The following CUX2 variants were observed in gnomAD, a reference collection of about 807,000 sequenced individuals.
CUX2 encodes the protein cut like homeobox 2.
A neutral mutation model predicts 144.8 loss-of-function variants in CUX2; 40 were observed. That is an observed-to-expected ratio of 0.28 (90% confidence interval 0.21 to 0.36). The LOEUF (loss-of-function observed/expected upper bound fraction) is 0.36, where lower values mean the gene tolerates loss of function less well. CUX2 is among the 10% of genes least tolerant of loss of function. The probability of loss-of-function intolerance (pLI) is 1.00; values close to 1 mark genes in which losing one functional copy is unlikely to be tolerated. For missense variants in CUX2, 1,615 were observed against 1,994.0 expected (o/e 0.81, Z 3.62); for synonymous variants, 827 against 875.6 (o/e 0.94, Z 0.98).
At chr12:111,236,787 A>G (rs891340223) in intron 3 of CUX2, among the ~76,000 whole-genome samples, 2 of 152,232 alleles carry the variant, frequency 1.3e-5, no homozygotes, top group African/African-American at 2.4e-5. Context: ...TGAGTTATCA[A>G]TCTGCGTTTT....
intron 4 of CUX2, among the ~76,000 whole-genome samples, chr12:111,285,956 A>G (rs1199956998): frequency 6.6e-6 from 1 of 152,138 alleles, no homozygotes; most frequent in Non-Finnish European, 1.5e-5. Flanking sequence ...ATAATATCAG[A>G]CCCCACTGTG....
chr12:111,096,178 G>A (rs1872804708), intron 1 of CUX2, among the ~76,000 whole-genome samples: 2 of 152,146 alleles, frequency 1.3e-5, no homozygotes, highest in Admixed American at 1.3e-4. Flanking sequence ...GCTCAGAGCA[G>A]TTATCACCAG....
At chr12:111,069,520 C>G (rs971051088) in intron 1 of CUX2, among the ~76,000 whole-genome samples, 2 of 139,804 alleles carry the variant, frequency 1.4e-5, no homozygotes, top group East Asian at 4.2e-4. Flanking sequence ...AAGCCTTGCT[C>G]TGTGTGTGTG....
intron 1 of CUX2, among the ~76,000 whole-genome samples, chr12:111,168,516 C>G (rs374957088): frequency 6.6e-6 from 1 of 152,206 alleles, no homozygotes; most frequent in East Asian, 1.9e-4. Context: ...CTCGTCCCGT[C>G]GGTCAAGGGT....
At position 111,035,777 on chromosome 12, in the gene CUX2, G is replaced by A. The variant is rs1300324460; in HGVS notation, c.63+1537G>A. ...TCCCCCAAAGCCATTGAGCTGGGGA[G>A]AAAATCGGGGCACTGAGGCATGCAG... On this transcript the variant is annotated intron_variant, in intron 1 of 21. Coordinates refer to ENST00000261726, the MANE Select transcript of CUX2 (RefSeq NM_015267.4). The surrounding 1 kb of genome is among the most constrained non-coding windows in gnomAD (Gnocchi z 6.0). Among the ~76,000 whole-genome samples the A allele has an allele frequency of 2.0e-5, 3 of 152,106 alleles. No homozygotes were observed. Among genetic ancestry groups the A allele is most frequent in the Non-Finnish European group, 4.4e-5 (3 of 68,028 alleles).
rs1045512785 is a variant in CUX2, at chr12:111,160,324, G to T, written c.64-53876G>T. Among the ~76,000 whole-genome samples the T allele has an allele frequency of 2.0e-5, 3 of 152,216 alleles. No individual in the cohort carries two copies. Among genetic ancestry groups the T allele is most frequent in the African/African-American group, 7.2e-5 (3 of 41,456 alleles). ...TGAGGAATCAGACCAGTCAGAGATA[G>T]GTGTGTCTGGCCTGTGTGTGCAGGG... On this transcript the variant is annotated intron_variant, in intron 1 of 21. Coordinates refer to ENST00000261726, the MANE Select transcript of CUX2 (RefSeq NM_015267.4). The surrounding 1 kb of genome is among the most constrained non-coding windows in gnomAD (Gnocchi z 4.1).
rs1391539963 is a variant in CUX2, at chr12:111,311,590, C to CTT, written c.1901-508_1901-507dup. Among the ~76,000 whole-genome samples, 11 of 124,700 alleles carry CTT rather than the reference C, an allele frequency of 8.8e-5. No homozygotes were observed. The East Asian group carries it at 1.9e-3, about 22-fold the overall frequency. The allele number at this position is 124,700 out of a possible 152,430, so 81.8% of individuals were successfully genotyped here. ...AGACATAAGCCACTGTACCCTATTT[C>CTT]TTTATTATTATTATTTTTTTTTTTT... On this transcript the variant is annotated intron_variant, in intron 15 of 21. Transcript: ENST00000261726.
intron 1 of CUX2, among the ~76,000 whole-genome samples, chr12:111,182,447 G>C (rs1299073266): frequency 6.6e-6 from 1 of 152,232 alleles, no homozygotes; most frequent in African/African-American, 2.4e-5. Context: ...ACGTTCTCCA[G>C]TTGATCCGTC....
chr12:111,226,125 G>C (rs944943302), intron 3 of CUX2, among the ~76,000 whole-genome samples: 3 of 152,208 alleles, frequency 2.0e-5, no homozygotes, highest in Admixed American at 6.5e-5. Flanking sequence ...TGTATTTTTT[G>C]TAGAGACTTG....
chr12:111,257,298 T>TC (rs1188281296), intron 3 of CUX2, among the ~76,000 whole-genome samples: 1 of 120,898 alleles, frequency 8.3e-6, no homozygotes, highest in African/African-American at 3.2e-5. Flanking sequence ...TCCTCCCTCT[T>TC]CCTCCCACTT....
In CUX2 at chr12:111,348,558, A is replaced by C; in HGVS notation, c.*233A>C. 2 of 491,956 alleles carry C rather than the reference A, an allele frequency of 4.1e-6. No homozygotes were observed. The highest frequency in any genetic ancestry group is 7.4e-5 in the South Asian group (2 of 26,876). 30.5% of individuals were successfully genotyped at this position (491,956 alleles called of 1,614,324 possible). ...CACCCCCCTGCTCCTCTTCACCCTG[A>C]CCCCTCTGCAGGAGGCAGAAGCAAA... On this transcript the variant is annotated 3_prime_UTR_variant, in exon 22 of 22. Coordinates refer to ENST00000261726, the MANE Select transcript of CUX2 (RefSeq NM_015267.4).
At chr12:111,244,203 G>A (rs1883164857) in intron 3 of CUX2, among the ~76,000 whole-genome samples, 2 of 152,138 alleles carry the variant, frequency 1.3e-5, no homozygotes, top group South Asian at 4.1e-4. Context: ...TTGTTAGCAT[G>A]GGTGCTGTAG....
rs10525230 is a variant in CUX2 at position 111,061,178 on chromosome 12, G to GCACACACACA, written c.63+26967_63+26976dup. ...TGTCCCCAGATGTGTGCATGCATAT[G>GCACACACACA]CACACACACACACACACACACACAC... On this transcript the variant is annotated intron_variant, in intron 1 of 21. Transcript: ENST00000261726. This position sits in a 1 kb window ranked among gnomAD's most constrained non-coding sequence, Gnocchi z 4.2. Among the ~76,000 whole-genome samples the GCACACACACA allele has an allele frequency of 0.011, 1,591 of 143,700 alleles. 11 individuals are homozygous for GCACACACACA. Among genetic ancestry groups the GCACACACACA allele is most frequent in the Middle Eastern group, 0.039 (11 of 282 alleles). The allele number at this position is 143,700 out of a possible 152,430, so 94.3% of individuals were successfully genotyped here. A position where few individuals can be genotyped will look rare whatever the true frequency, so the allele number is the denominator to read the frequency against.
chr12:111,308,912 A>G (rs1886735705), intron 14 of CUX2, among the ~76,000 whole-genome samples: 1 of 151,876 alleles, frequency 6.6e-6, no homozygotes, highest in African/African-American at 2.4e-5. Context: ...CCACCCGCTG[A>G]CTTTTTTTTT....
chr12:111,189,564 G>A (rs13328973), intron 1 of CUX2, among the ~76,000 whole-genome samples: 3,910 of 152,320 alleles, frequency 0.026, 179 homozygotes, highest in African/African-American at 0.089. Flanking sequence ...CATTGGGTGA[G>A]TAGATCACAA....
At chr12:111,294,904 G>T (rs1421996449) in intron 6 of CUX2, among the ~76,000 whole-genome samples, 2 of 149,616 alleles carry the variant, frequency 1.3e-5, no homozygotes, top group Non-Finnish European at 3.0e-5. Context: ...TCTCAAAAAA[G>T]AAAAAAAAAG....
intron 1 of CUX2, among the ~76,000 whole-genome samples, chr12:111,194,378 C>T (rs1041377270): frequency 1.3e-5 from 2 of 152,240 alleles, no homozygotes; most frequent in Non-Finnish European, 2.9e-5. Context: ...AACTGGCAGG[C>T]CGGGGTCCAA....
intron 1 of CUX2, among the ~76,000 whole-genome samples, chr12:111,151,230 A>G (rs1272603230): frequency 6.6e-6 from 1 of 152,198 alleles, no homozygotes; most frequent in Non-Finnish European, 1.5e-5. Flanking sequence ...TTTCATGGGT[A>G]ATTTAGTAGT....
At chr12:111,326,816 A>G (rs1887844370) in intron 18 of CUX2, among the ~76,000 whole-genome samples, 1 of 152,106 alleles carries the variant, frequency 6.6e-6, no homozygotes, top group South Asian at 2.1e-4. Context: ...AGGCGAGAGG[A>G]TCGCTTGAAC....
Sources: gnomAD v4.1 joint callset for allele counts (sites outside exome capture counted in the v4.1 genomes callset) on GRCh38, gnomAD v4.1.1 for gene constraint, Gnocchi (gnomAD v3.1) non-coding constraint, MANE v1.5 for transcripts, NCBI Gene and HGNC (gene_info 2026-07-23, HGNC 2026-07-21) for gene names.